Variants in KCNQ3 observed in about 807,000 individuals in gnomAD.
The protein encoded by KCNQ3 is potassium voltage-gated channel subfamily Q member 3.
A neutral mutation model predicts 92.5 loss-of-function variants in KCNQ3; 30 were observed. The observed-to-expected ratio is 0.32, with a 90% CI of 0.24 to 0.44. The LOEUF (loss-of-function observed/expected upper bound fraction) is 0.44. KCNQ3 is among the 20% of genes least tolerant of loss of function. KCNQ3 has a pLI of 1.00. For synonymous variants in KCNQ3, 450 were observed against 468.8 expected (o/e 0.96, Z 0.52); for missense variants, 913 against 1,140.3 (o/e 0.80, Z 2.87).
intron 1 of KCNQ3, among the ~76,000 whole-genome samples, chr8:132,364,070 C>G (rs2130727472): frequency 6.6e-6 from 1 of 152,158 alleles, no homozygotes; most frequent in East Asian, 1.9e-4. Flanking sequence ...ATATTGTCCC[C>G]AAATGCCATT....
At chr8:132,327,306 C>A (rs892278289) in intron 1 of KCNQ3, among the ~76,000 whole-genome samples, 1 of 152,102 alleles carries the variant, frequency 6.6e-6, no homozygotes, top group Non-Finnish European at 1.5e-5. Context: ...ACTCTAAAAC[C>A]TTTTTTGCCT....
At chr8:132,196,405 C>G (rs1827297936) in intron 1 of KCNQ3, among the ~76,000 whole-genome samples, 1 of 152,152 alleles carries the variant, frequency 6.6e-6, no homozygotes, top group East Asian at 1.9e-4. Flanking sequence ...CTCATAGAAT[C>G]CACCCATTCC....
intron 1 of KCNQ3, among the ~76,000 whole-genome samples, chr8:132,388,026 A>G (rs868606880): frequency 4.5e-5 from 6 of 134,114 alleles, no homozygotes; most frequent in South Asian, 2.5e-4. Context: ...AAGAGGAAGA[A>G]GAAGAAGAGG....
intron 4 of KCNQ3, among the ~76,000 whole-genome samples, chr8:132,175,940 G>A: frequency 6.6e-6 from 1 of 152,150 alleles, no homozygotes; most frequent in East Asian, 1.9e-4. Context: ...CAAGGCTCAG[G>A]ACTCAGGAGA....
chr8:132,157,421 G>T (rs1275168534), intron 9 of KCNQ3, among the ~76,000 whole-genome samples: 5 of 152,158 alleles, frequency 3.3e-5, no homozygotes, highest in Non-Finnish European at 7.3e-5. Context: ...ATCCAACTGG[G>T]TTATGGTGTG....
chr8:132,154,421 T>C (rs1368836149), intron 9 of KCNQ3, among the ~76,000 whole-genome samples: 3 of 152,042 alleles, frequency 2.0e-5, no homozygotes. Flanking sequence ...GTGGGAACCC[T>C]TGGATAGGCC....
At chr8:132,446,852 G>T (rs1014490745) in intron 1 of KCNQ3, among the ~76,000 whole-genome samples, 1 of 152,122 alleles carries the variant, frequency 6.6e-6, no homozygotes, top group African/African-American at 2.4e-5. Flanking sequence ...CAGAAATCAG[G>T]CTTAATAGAA....
intron 3 of KCNQ3, among the ~76,000 whole-genome samples, chr8:132,181,077 T>C (rs2130161571): frequency 6.6e-6 from 1 of 152,172 alleles, no homozygotes; most frequent in Non-Finnish European, 1.5e-5. Context: ...TGGAAAGATG[T>C]AAGGCCCACC....
chr8:132,463,915 C>A (rs894004615), intron 1 of KCNQ3, among the ~76,000 whole-genome samples: 3 of 152,184 alleles, frequency 2.0e-5, no homozygotes, highest in East Asian at 1.9e-4. Flanking sequence ...CGGGTTCAAG[C>A]GATTCATGCC....
At chr8:132,434,964 C>A (rs1323957833) in intron 1 of KCNQ3, among the ~76,000 whole-genome samples, 3 of 152,150 alleles carry the variant, frequency 2.0e-5, no homozygotes, top group Non-Finnish European at 4.4e-5. Flanking sequence ...CAGTTTCTGG[C>A]CCCAAAGTTC....
intron 1 of KCNQ3, 94 bp from the exon 2 acceptor site, chr8:132,186,275 C>A (rs1290501778): frequency 3.5e-6 from 3 of 852,434 alleles, no homozygotes; most frequent in African/African-American, 1.7e-5. Context: ...GATGAAGCTG[C>A]AACTTCTGCT....
chr8:132,181,041 T>C (rs1563791482), intron 3 of KCNQ3, among the ~76,000 whole-genome samples: 1 of 152,040 alleles, frequency 6.6e-6, no homozygotes, highest in African/African-American at 2.4e-5. Context: ...CTCCCTAAGC[T>C]TGAGAGAAGG....
chr8:132,439,923 G>A (rs779605319), intron 1 of KCNQ3, among the ~76,000 whole-genome samples: 7 of 152,270 alleles, frequency 4.6e-5, no homozygotes, highest in Non-Finnish European at 4.4e-5. Context: ...TCATCCTTCA[G>A]TGTCCATAGA....
At chr8:132,157,184 T>G (rs1825822790) in intron 9 of KCNQ3, among the ~76,000 whole-genome samples, 1 of 152,164 alleles carries the variant, frequency 6.6e-6, no homozygotes, top group Non-Finnish European at 1.5e-5. Context: ...ATGTACTTAG[T>G]GGAAAGTTCT....
rs1414843543 is a variant in KCNQ3 at position 132,372,856 on chromosome 8, G to A, written c.386+107291C>T. 3.3e-5 allele frequency among the ~76,000 whole-genome samples: 5 copies of A among 151,900 alleles called. No homozygotes were observed. In the East Asian group the frequency reaches 9.7e-4, roughly 29 times the overall value. The stretch of plus-strand genomic sequence containing the variant: ...CACTCTCCTTAGCATCAGCTCATGG[G>A]CCGGTTGTGAATATTAGAGGCAGAA... On this transcript the variant is annotated intron_variant, in intron 1 of 14. Transcript: ENST00000388996.
intron 1 of KCNQ3, among the ~76,000 whole-genome samples, chr8:132,461,940 G>A (rs1018504202): frequency 6.6e-6 from 1 of 152,172 alleles, no homozygotes; most frequent in Non-Finnish European, 1.5e-5. Context: ...AGATAGGTGT[G>A]TGGCAAATAT....
chr8:132,389,833 A>G (rs1021215074), intron 1 of KCNQ3, among the ~76,000 whole-genome samples: 8 of 152,184 alleles, frequency 5.3e-5, no homozygotes, highest in African/African-American at 1.9e-4. Context: ...ACGAGTATAA[A>G]ATGCTACACC....
intron 1 of KCNQ3, among the ~76,000 whole-genome samples, chr8:132,315,178 T>A (rs918694789): frequency 2.0e-5 from 3 of 152,108 alleles, no homozygotes; most frequent in Non-Finnish European, 4.4e-5. Flanking sequence ...AGGAGGCTGA[T>A]ATAATGGAAT....
At chr8:132,462,183 T>G (rs199698264) in intron 1 of KCNQ3, among the ~76,000 whole-genome samples, 5 of 14,396 alleles carry the variant, frequency 3.5e-4, no homozygotes, top group Admixed American at 9.3e-4. Flanking sequence ...ATTTATGTAT[T>G]TATTTATTTA....
Sources: allele counts gnomAD v4.1 joint callset (sites outside exome capture counted in the v4.1 genomes callset), GRCh38; gene constraint gnomAD v4.1.1; transcripts MANE v1.5; gene names NCBI Gene and HGNC (gene_info 2026-07-23, HGNC 2026-07-21).